EIF3I: variants seen among roughly 807,000 people sequenced by gnomAD.
EIF3I encodes eukaryotic translation initiation factor 3 subunit I, also known as TGF-beta receptor-interacting protein 1.
EIF3I carries 20 observed loss-of-function variants against 43.3 expected under a neutral mutation model. The ratio of observed to expected loss-of-function variants is 0.46; its 90% CI spans 0.32 to 0.67. The LOEUF (loss-of-function observed/expected upper bound fraction) is 0.67. Among genes scored for constraint, EIF3I ranks in the 30% least tolerant of loss-of-function variants. The probability of loss-of-function intolerance (pLI) is 0.03; values close to 1 mark genes in which losing one functional copy is unlikely to be tolerated. For missense variants in EIF3I, 279 were observed against 421.4 expected (o/e 0.66, Z 2.96); for synonymous variants, 167 against 151.7 (o/e 1.10, Z -0.74).
chr1:32,222,722 A>G, intron 2 of EIF3I, 92 bp downstream of exon 2: 2 of 1,293,046 alleles, frequency 1.5e-6, no homozygotes, highest in Non-Finnish European at 2.2e-6. Flanking sequence ...GCGGGGAACC[A>G]AAGAGCAGCC....
downstream of EIF3I, chr1:32,234,901 G>C (rs1323952120): frequency 1.3e-5 from 2 of 152,630 alleles, no homozygotes; most frequent in African/African-American, 4.8e-5. Flanking sequence ...GCATCCAGGG[G>C]TTGAGAGCCC....
At chr1:32,227,275 T>TA (rs1005926284) in intron 6 of EIF3I, among the ~76,000 whole-genome samples, 2,334 of 54,662 alleles carry the variant, frequency 0.043, 54 homozygotes, top group African/African-American at 0.065. Flanking sequence ...ACCCTGTCTC[T>TA]AAAAAAAAAA....
At chr1:32,224,013 C>T in intron 2 of EIF3I, 21 bp from the exon 3 acceptor site, 1 of 1,613,204 alleles carries the variant, frequency 6.2e-7, no homozygotes. Flanking sequence ...TGTGTACTAT[C>T]CTGTGGTTTG....
rs183371789 is a variant in EIF3I, at chr1:32,228,402, C to G, written c.529-97C>G. 2,403 of 969,326 alleles carry G rather than the reference C, an allele frequency of 2.5e-3. 8 individuals are homozygous for G. The highest frequency in any genetic ancestry group is 4.4e-3 in the South Asian group (324 of 73,266). The allele number at this position is 969,326 out of a possible 1,614,324, so 60.0% of individuals were successfully genotyped here. A position where few individuals can be genotyped will look rare whatever the true frequency, so the allele number is the denominator to read the frequency against. On this transcript the variant is annotated intron_variant, in intron 6 of 11. Transcript: ENST00000676679. The stretch of plus-strand genomic sequence containing the variant: ...GAGGGGGTGAGGAAAACACAAAGTC[C>G]ATGCTGTCTCAGCTTTCATTTGGGT...
At chr1:32,234,924 C>G (rs1639280551), downstream of EIF3I, 1 of 152,704 alleles carries the variant, frequency 6.5e-6, no homozygotes, top group African/African-American at 2.4e-5. Context: ...CCCATCTCAC[C>G]CTATTCTCTA....
chr1:32,224,405 T>C lies in EIF3I; in HGVS notation c.185-5T>C. On this transcript the variant is annotated splice_polypyrimidine_tract_variant and splice_region_variant and intron_variant, in intron 3 of 11. Coordinates refer to ENST00000676679, the Ensembl canonical transcript of EIF3I. ...ACTTCGTCATATTTCTTAACAACTC[T>C]TCAGGGGACACCAAGCATGTCCTCA... is the stretch of plus-strand genomic sequence containing the variant. 1 of 1,612,672 alleles carries C rather than the reference T, an allele frequency of 6.2e-7. No individual in the cohort carries two copies. Among genetic ancestry groups the C allele is most frequent in the Non-Finnish European group, 8.5e-7 (1 of 1,178,844 alleles).
chr1:32,231,697 A>G (rs954807422), downstream of EIF3I: 1 of 164,176 alleles, frequency 6.1e-6, no homozygotes, highest in Non-Finnish European at 1.3e-5. Context: ...AGACCTCCCT[A>G]TACTTTGGAC....
At chr1:32,231,500 A>G (rs1639236549), downstream of EIF3I, 1 of 250,190 alleles carries the variant, frequency 4.0e-6, no homozygotes, top group Admixed American at 5.3e-5. Context: ...TCAAAAAAAA[A>G]AAAGAAGAAG....
At chr1:32,223,727 G>T (rs989387723) in intron 2 of EIF3I, among the ~76,000 whole-genome samples, 7 of 152,336 alleles carry the variant, frequency 4.6e-5, no homozygotes, top group Non-Finnish European at 8.8e-5. Context: ...AGACATCAGA[G>T]ATACTGTTTT....
downstream of EIF3I, chr1:32,233,959 C>T (rs1044175267): frequency 2.0e-5 from 3 of 152,096 alleles, no homozygotes; most frequent in East Asian, 5.8e-4. Context: ...CTCAGTTTTC[C>T]TAAAAGACAA....
chr1:32,224,290 G>T, intron 3 of EIF3I, 120 bp from the exon 4 acceptor site: 1 of 1,099,302 alleles, frequency 9.1e-7, no homozygotes, highest in South Asian at 1.3e-5. Context: ...TCCAGTTCTG[G>T]ATAAGGAGGT....
chr1:32,227,588 T>C (rs1639167397), intron 6 of EIF3I, among the ~76,000 whole-genome samples: 1 of 151,866 alleles, frequency 6.6e-6, no homozygotes, highest in Non-Finnish European at 1.5e-5. Context: ...GCCTGGGCAA[T>C]ATAGGAAGAC....
At chr1:32,227,275 T>TAAAA (rs1005926284) in intron 6 of EIF3I, among the ~76,000 whole-genome samples, 5 of 55,398 alleles carry the variant, frequency 9.0e-5, no homozygotes, top group South Asian at 5.8e-4. Flanking sequence ...ACCCTGTCTC[T>TAAAA]AAAAAAAAAA....
At position 32,228,712 on chromosome 1, in the gene EIF3I, G is replaced by A; in HGVS notation, c.640-15G>A. 1 of 1,612,370 alleles carries A rather than the reference G, an allele frequency of 6.2e-7. No homozygotes were observed. The highest frequency in any genetic ancestry group is 1.3e-5 in the African/African-American group (1 of 74,942). On this transcript the variant is annotated splice_polypyrimidine_tract_variant and intron_variant, in intron 7 of 11. Coordinates refer to ENST00000676679, the Ensembl canonical transcript of EIF3I. ...AAAGCTCTTTACAGATTTCCCCCCTGCCTTCTCTCTCCAGCTTTTTGACTC... is the reference window on the plus strand; with the variant it reads ...AAAGCTCTTTACAGATTTCCCCCCTACCTTCTCTCTCCAGCTTTTTGACTC...
rs747106090 is a variant in EIF3I at position 32,230,990 on chromosome 1, C to T, written c.978C>T (p.Asn326=). Residue 326 remains asparagine (N), a synonymous_variant, in exon 11 of 12, where the codon AAC becomes AAT. Coordinates refer to ENST00000676679, the Ensembl canonical transcript of EIF3I. ...TCAAGGGTCACTTTGGACCTATCAACAGTGTTGCCTTCCATCCTGATGGCA... is the reference window on the plus strand; with the variant it reads ...TCAAGGGTCACTTTGGACCTATCAATAGTGTTGCCTTCCATCCTGATGGCA... 12 of 1,611,224 alleles carry T rather than the reference C, an allele frequency of 7.4e-6. No individual in the cohort carries two copies. In the Admixed American group the frequency reaches 1.9e-4, roughly 25 times the overall value.
chr1:32,228,368 G>A lies in EIF3I; in HGVS notation c.529-131G>A, dbSNP rs145183258. The A allele has an allele frequency of 5.7e-6, 4 of 695,686 alleles. No individual in the cohort carries two copies. The Admixed American group carries it at 6.5e-5, about 11-fold the overall frequency. 43.1% of individuals were successfully genotyped at this position (695,686 alleles called of 1,614,324 possible). ...AGTCAAGGGATATTTAGGGGTGACT[G>A]ATAGGATAGAGGGGGTGAGGAAAAC... On this transcript the variant is annotated intron_variant, in intron 6 of 11. Transcript: ENST00000676679.
chr1:32,232,643 G>A (rs572774429), downstream of EIF3I, among the ~76,000 whole-genome samples: 6 of 152,296 alleles, frequency 3.9e-5, no homozygotes, highest in East Asian at 1.9e-4. Flanking sequence ...ACAGTGAGGC[G>A]GCTGCCGGAG....
At chr1:32,227,552 T>C (rs561223324) in intron 6 of EIF3I, among the ~76,000 whole-genome samples, 6 of 152,148 alleles carry the variant, frequency 3.9e-5, no homozygotes, top group Admixed American at 3.3e-4. Flanking sequence ...GTGGCAGGAT[T>C]GCTTGAGACC....
At position 32,223,222 on chromosome 1, in the gene EIF3I, C is replaced by G. The variant is rs377633525; in HGVS notation, c.96+592C>G. ...TCTCTAGTCTCATTTTAAGTCAATC[C>G]CATCCTGCTACTCAATGCCAAACAA... is the stretch of plus-strand genomic sequence containing the variant. On this transcript the variant is annotated intron_variant, in intron 2 of 11. Coordinates refer to ENST00000676679, the Ensembl canonical transcript of EIF3I. Among the ~76,000 whole-genome samples the G allele has an allele frequency of 3.9e-5, 6 of 152,296 alleles. No individual in the cohort carries two copies. In the East Asian group the frequency reaches 7.7e-4, roughly 20 times the overall value.
Sources: gnomAD v4.1 joint callset for allele counts (sites outside exome capture counted in the v4.1 genomes callset) on GRCh38, gnomAD v4.1.1 for gene constraint, MANE v1.5 for transcripts, NCBI Gene and HGNC (gene_info 2026-07-23, HGNC 2026-07-21) for gene names.